Variants in MVD observed in about 807,000 individuals in gnomAD.
MVD encodes the protein mevalonate diphosphate decarboxylase, also known as diphosphomevalonate decarboxylase.
Under a neutral mutation model 42.4 loss-of-function variants are expected in MVD, and 52 were observed. That is an observed-to-expected ratio of 1.23 (90% confidence interval 0.98 to 1.55). The LOEUF (loss-of-function observed/expected upper bound fraction) is 1.55, where lower values mean the gene tolerates loss of function less well. MVD is among the 40% of genes most tolerant of loss of function. The pLI is 0.00. For synonymous variants in MVD, 287 were observed against 243.2 expected, an observed-to-expected ratio of 1.18 and a Z score of -1.68; for missense variants, 663 against 572.1, an observed-to-expected ratio of 1.16 and a Z score of -1.62.
intron 1 of MVD, chr16:88,658,938 C>G (rs1908117979): frequency 5.3e-6 from 3 of 562,186 alleles, no homozygotes; most frequent in Non-Finnish European, 9.7e-6. Flanking sequence ...TGGAGGCCAG[C>G]CAACCTCCGT....
intron 4 of MVD, chr16:88,657,108 A>C (rs1567615844): frequency 2.1e-6 from 1 of 473,764 alleles, no homozygotes; most frequent in Non-Finnish European, 3.9e-6. Context: ...CAACGGGAAG[A>C]TTTTTTTATT....
chr16:88,662,046 C>T (rs1365368226), intron 1 of MVD: 1 of 151,954 alleles, frequency 6.6e-6, no homozygotes, highest in Admixed American at 6.6e-5. Flanking sequence ...CAACCGCACT[C>T]CTGGGCATTT....
chr16:88,657,222 A>C (rs1208841290), intron 4 of MVD: 1 of 747,938 alleles, frequency 1.3e-6, no homozygotes, highest in Admixed American at 2.0e-5. Flanking sequence ...CTGGGATTAC[A>C]GGCGAGAGCC....
At chr16:88,657,685 T>C (rs1322403385) in intron 3 of MVD, 103 bp from the exon 4 acceptor site, 2 of 1,499,352 alleles carry the variant, frequency 1.3e-6, no homozygotes, top group Non-Finnish European at 1.8e-6. Flanking sequence ...GGCCTCTGCC[T>C]GCCAGACTCC....
rs370265034 is a variant in MVD, at chr16:88,656,316, C to T, written c.404-12G>A. On this transcript the variant is annotated splice_polypyrimidine_tract_variant and intron_variant, in intron 4 of 9. Transcript: ENST00000301012. ...GGCCAGGGTGTAGGCTGCAGGCATG[C>T]GGATTCAGGGAGGGTCCTCAGAGCT... 184 of 1,598,630 alleles carry T rather than the reference C, an allele frequency of 1.2e-4. No individual in the cohort carries two copies. The African/African-American group carries it at 2.0e-3, about 17-fold the overall frequency.
intron 4 of MVD, 70 bp downstream of exon 4, chr16:88,657,366 C>A: frequency 6.5e-7 from 1 of 1,527,714 alleles, no homozygotes; most frequent in South Asian, 1.2e-5. Flanking sequence ...GGCTCCCTGA[C>A]CCGGGAAGAG....
At chr16:88,658,833 C>T (rs998271549) in intron 1 of MVD, 113 bp from the exon 2 acceptor site, 21 of 787,624 alleles carry the variant, frequency 2.7e-5, no homozygotes, top group Non-Finnish European at 4.0e-6. Flanking sequence ...TCAGTCCCGT[C>T]TCTCACCGCA....
chr16:88,654,044 G>A (rs991087954), intron 8 of MVD, among the ~76,000 whole-genome samples: 3 of 152,110 alleles, frequency 2.0e-5, no homozygotes, highest in Non-Finnish European at 2.9e-5. Context: ...CGGGAGGGAA[G>A]AAATCAACAG....
In MVD at chr16:88,656,228, G is replaced by A; in HGVS notation, c.480C>T (p.Cys160=). The change falls in exon 5 of 10, where the codon TGC becomes TGT. Residue 160 remains cysteine (C), a synonymous_variant. Transcript: ENST00000301012. ...EVARRGSGSA[C]RSLYGGFVEW... ...CCACAAAGCCCCCATACAGGCTCCG[G>A]CAGGCGCTGCCTGAGCCCCGGCGAG... The A allele has an allele frequency of 6.2e-7, 1 of 1,600,346 alleles. No individual in the cohort carries two copies. Among genetic ancestry groups the A allele is most frequent in the South Asian group, 1.1e-5 (1 of 91,080 alleles).
At chr16:88,662,442 G>A (rs1461402420) in intron 1 of MVD, among the ~76,000 whole-genome samples, 2 of 152,238 alleles carry the variant, frequency 1.3e-5, no homozygotes, top group African/African-American at 2.4e-5. Context: ...AGGTAACCCC[G>A]GCGCGAGGGG....
chr16:88,655,935 G>A (rs1907893804), intron 5 of MVD, 170 bp downstream of exon 5: 4 of 1,127,862 alleles, frequency 3.5e-6, no homozygotes, highest in Non-Finnish European at 4.9e-6. Context: ...GGCGCCCGCC[G>A]CATGGGAGCG....
chr16:88,661,030 A>AT (rs1908257817), intron 1 of MVD, among the ~76,000 whole-genome samples: 1 of 150,652 alleles, frequency 6.6e-6, no homozygotes, highest in Non-Finnish European at 1.5e-5. Context: ...AAAAAAAAAA[A>AT]ATAGCAGAAG....
chr16:88,661,197 G>C (rs1908269521), intron 1 of MVD, among the ~76,000 whole-genome samples: 2 of 151,924 alleles, frequency 1.3e-5, no homozygotes, highest in Non-Finnish European at 2.9e-5. Flanking sequence ...TGTACAACTT[G>C]GAGGAAAGCA....
At chr16:88,652,962 T>G (rs1264057630) in intron 9 of MVD, among the ~76,000 whole-genome samples, 1 of 151,874 alleles carries the variant, frequency 6.6e-6, no homozygotes, top group East Asian at 1.9e-4. Context: ...GGAACTCCGG[T>G]CTGCTGGGGT....
chr16:88,659,632 C>A (rs778877229), intron 1 of MVD, among the ~76,000 whole-genome samples: 4 of 152,150 alleles, frequency 2.6e-5, no homozygotes, highest in Non-Finnish European at 5.9e-5. Context: ...CAAAGCCAGC[C>A]CTCCCTAGCA....
chr16:88,652,354 C>T lies in MVD; in HGVS notation c.*171G>A. On this transcript the variant is annotated 3_prime_UTR_variant, in exon 10 of 10. Coordinates refer to ENST00000301012, the MANE Select transcript of MVD (RefSeq NM_002461.3). ...AGCACTCGGCGGGGACCTCTCCTGACACCTGGGCGGCCGCAGGACTCCCTG... is the reference window on the plus strand; with the variant it reads ...AGCACTCGGCGGGGACCTCTCCTGATACCTGGGCGGCCGCAGGACTCCCTG... 2.8e-6 allele frequency: 2 copies of T among 714,186 alleles called. No homozygotes were observed. Among genetic ancestry groups the T allele is most frequent in the South Asian group, 3.3e-5 (2 of 61,272 alleles). 44.2% of individuals were successfully genotyped at this position (714,186 alleles called of 1,614,324 possible). A position where few individuals can be genotyped will look rare whatever the true frequency, so the allele number is the denominator to read the frequency against.
chr16:88,653,887 G>A (rs773066566), intron 8 of MVD, among the ~76,000 whole-genome samples: 3 of 152,118 alleles, frequency 2.0e-5, no homozygotes, highest in African/African-American at 7.2e-5. Context: ...CCTGGGGTGT[G>A]GGTCTGAGTC....
intron 1 of MVD, among the ~76,000 whole-genome samples, chr16:88,662,451 G>A (rs1908364030): frequency 6.6e-6 from 1 of 152,246 alleles, no homozygotes; most frequent in Non-Finnish European, 1.5e-5. Context: ...CGGCGCGAGG[G>A]GAGGGGCGGG....
At position 88,663,010 on chromosome 16, in the gene MVD, C is replaced by T; in HGVS notation, c.70+1G>A. On this transcript the variant is annotated splice_donor_variant, in intron 1 of 9. Coordinates refer to ENST00000301012, the MANE Select transcript of MVD (RefSeq NM_002461.3). LOFTEE classifies it high-confidence loss of function. ...GTCCCAGGCCGGCCCGCGGCACTCA[C>T]AGTACTTGATGACCGCGATGTTGAC... 1.9e-6 allele frequency: 3 copies of T among 1,603,504 alleles called. No individual in the cohort carries two copies. Among genetic ancestry groups the T allele is most frequent in the Non-Finnish European group, 2.6e-6 (3 of 1,175,872 alleles).
Sources: allele counts gnomAD v4.1 joint callset (sites outside exome capture counted in the v4.1 genomes callset), GRCh38; gene constraint gnomAD v4.1.1; transcripts MANE v1.5; gene names NCBI Gene and HGNC (gene_info 2026-07-23, HGNC 2026-07-21).